Variants in NXPE2 observed in about 807,000 individuals in gnomAD.
NXPE2 encodes neurexophilin and PC-esterase domain family member 2.
NXPE2 carries 34 observed loss-of-function variants against 34.4 expected under a neutral mutation model. The ratio of observed to expected loss-of-function variants is 0.99; its 90% CI spans 0.75 to 1.31. NXPE2 has a LOEUF of 1.31. Among genes scored for constraint, NXPE2 ranks in the 40% most tolerant of loss-of-function variants. The pLI, the probability that NXPE2 is intolerant of heterozygous loss-of-function variation, is 0.00. For missense variants in NXPE2, 649 were observed against 672.5 expected, an observed-to-expected ratio of 0.97 and a Z score of 0.39; for synonymous variants, 235 against 231.3, an observed-to-expected ratio of 1.02 and a Z score of -0.15.
the NXPE2 span, among the ~76,000 whole-genome samples, chr11:114,495,206 CCA>C: frequency 6.6e-6 from 1 of 151,088 alleles, no homozygotes; most frequent in East Asian, 2.0e-4. Flanking sequence ...CCTGCAGTGA[CCA>C]CTGCCTGGCT....
the NXPE2 span, among the ~76,000 whole-genome samples, chr11:114,789,441 T>C: frequency 6.6e-6 from 1 of 152,222 alleles, no homozygotes; most frequent in Non-Finnish European, 1.5e-5. Flanking sequence ...CAACCCACTC[T>C]CTAGCATAGA....
chr11:114,775,403 C>T, the NXPE2 span, among the ~76,000 whole-genome samples: 7 of 152,178 alleles, frequency 4.6e-5, no homozygotes, highest in Non-Finnish European at 8.8e-5. Context: ...AAGAGGACAA[C>T]ACCTTTTCTA....
the NXPE2 span, among the ~76,000 whole-genome samples, chr11:114,553,067 T>G: frequency 2.5e-3 from 387 of 152,292 alleles, 4 homozygotes; most frequent in Middle Eastern, 0.01. Context: ...CCAACACTGC[T>G]CAATCTCCAC....
chr11:114,707,325 A>T, downstream of NXPE2: 1 of 331,774 alleles, frequency 3.0e-6, no homozygotes, highest in South Asian at 2.2e-5. Context: ...CGAACTCCTG[A>T]CCTTAGGTGA....
chr11:114,557,647 A>G, the NXPE2 span, among the ~76,000 whole-genome samples: 9 of 41,748 alleles, frequency 2.2e-4, no homozygotes, highest in East Asian at 2.1e-3. Context: ...ATATATATAT[A>G]TATATATATA....
intron 2 of NXPE2, among the ~76,000 whole-genome samples, chr11:114,694,215 C>T (rs747054885): frequency 1.3e-5 from 2 of 152,202 alleles, no homozygotes; most frequent in Non-Finnish European, 2.9e-5. Context: ...ATCTCAAGGT[C>T]AGCTAATTAG....
chr11:114,639,200 G>A, the NXPE2 span, among the ~76,000 whole-genome samples: 110 of 151,014 alleles, frequency 7.3e-4, 1 homozygote, highest in East Asian at 5.1e-3. Flanking sequence ...CCTCACTGCC[G>A]CCTTTCAGTT....
chr11:114,495,469 C>T, the NXPE2 span, among the ~76,000 whole-genome samples: 1 of 151,692 alleles, frequency 6.6e-6, no homozygotes, highest in East Asian at 2.0e-4. Context: ...CTCCTCATGG[C>T]CGCCCCTACC....
chr11:114,643,726 G>A, the NXPE2 span, among the ~76,000 whole-genome samples: 10 of 152,002 alleles, frequency 6.6e-5, no homozygotes, highest in Non-Finnish European at 1.0e-4. Context: ...GCTTAAGATT[G>A]TCTTGGCTAT....
At chr11:114,635,071 C>T in the NXPE2 span, among the ~76,000 whole-genome samples, 37 of 151,868 alleles carry the variant, frequency 2.4e-4, no homozygotes, top group South Asian at 1.7e-3. Context: ...GCCATTTTCA[C>T]GATATTGATT....
At chr11:114,767,214 A>G in the NXPE2 span, among the ~76,000 whole-genome samples, 1 of 152,170 alleles carries the variant, frequency 6.6e-6, no homozygotes, top group Non-Finnish European at 1.5e-5. Context: ...TATGAATAAT[A>G]GCACTTTATA....
At chr11:114,588,280 A>G in the NXPE2 span, among the ~76,000 whole-genome samples, 1 of 152,200 alleles carries the variant, frequency 6.6e-6, no homozygotes, top group Non-Finnish European at 1.5e-5. Context: ...CTTACAGGAA[A>G]TGCTCAATGG....
chr11:114,678,538 G>A lies in NXPE2; in HGVS notation c.-38G>A. 4 of 1,508,322 alleles carry A rather than the reference G, an allele frequency of 2.7e-6. No individual in the cohort carries two copies. The highest frequency in any genetic ancestry group is 2.7e-6 in the Non-Finnish European group (3 of 1,108,494). 93.4% of individuals were successfully genotyped at this position (1,508,322 alleles called of 1,614,324 possible). A position where few individuals can be genotyped will look rare whatever the true frequency, so the allele number is the denominator to read the frequency against. On this transcript the variant is annotated 5_prime_UTR_variant, in exon 1 of 6. Coordinates refer to ENST00000389586, the MANE Select transcript of NXPE2 (RefSeq NM_182495.6). ...GCAAAGACTGCTTTAATCAAGGAGA[G>A]TCTCTGGACACTATAATTCCTGTGA...
chr11:114,589,218 G>A, the NXPE2 span, among the ~76,000 whole-genome samples: 1 of 152,160 alleles, frequency 6.6e-6, no homozygotes, highest in African/African-American at 2.4e-5. Flanking sequence ...AAGGTCAACA[G>A]GTTCAGAACC....
At chr11:114,593,286 G>T in the NXPE2 span, among the ~76,000 whole-genome samples, 1 of 152,110 alleles carries the variant, frequency 6.6e-6, no homozygotes, top group African/African-American at 2.4e-5. Flanking sequence ...TCTGACAGGG[G>T]ATTACTATCC....
the NXPE2 span, among the ~76,000 whole-genome samples, chr11:114,609,942 G>A: frequency 0.069 from 10,520 of 151,664 alleles, 789 homozygotes; most frequent in East Asian, 0.34. Flanking sequence ...GTGTTGCCTC[G>A]TGGGTAACCA....
chr11:114,656,180 T>A, the NXPE2 span, among the ~76,000 whole-genome samples: 1 of 151,794 alleles, frequency 6.6e-6, no homozygotes, highest in Non-Finnish European at 1.5e-5. Flanking sequence ...CTATTCACAA[T>A]TACTACAAAG....
chr11:114,576,053 T>TA, the NXPE2 span, among the ~76,000 whole-genome samples: 2 of 152,096 alleles, frequency 1.3e-5, no homozygotes, highest in Non-Finnish European at 2.9e-5. Context: ...GCCCAATACT[T>TA]ACAGCCAACT....
chr11:114,566,615 CTA>C, the NXPE2 span, among the ~76,000 whole-genome samples: 2 of 152,050 alleles, frequency 1.3e-5, no homozygotes, highest in African/African-American at 4.8e-5. Context: ...GGACAAAAAA[CTA>C]TATGTTTTCA....
Sources: allele counts gnomAD v4.1 joint callset (sites outside exome capture counted in the v4.1 genomes callset), GRCh38; gene constraint gnomAD v4.1.1; transcripts MANE v1.5; gene names NCBI Gene and HGNC (gene_info 2026-07-23, HGNC 2026-07-21).